TLK1: variants seen among roughly 807,000 people sequenced by gnomAD.
The protein encoded by TLK1 is tousled like kinase 1.
In TLK1, 24 loss-of-function variants were observed where a neutral mutation model predicts 105.3. That is an observed-to-expected ratio of 0.23 (90% CI 0.17 to 0.32). The LOEUF is 0.32. Ranked by LOEUF, TLK1 falls within the 10% of genes least tolerant of loss-of-function variation. TLK1 has a pLI of 1.00. For synonymous variants in TLK1, 321 were observed against 310.4 expected, an observed-to-expected ratio of 1.03 and a Z score of -0.36; for missense variants, 558 against 910.5, an observed-to-expected ratio of 0.61 and a Z score of 4.98.
chr2:171,029,809 C>G (rs555481511), intron 11 of TLK1, among the ~76,000 whole-genome samples: 1 of 152,084 alleles, frequency 6.6e-6, no homozygotes, highest in Non-Finnish European at 1.5e-5. Context: ...GCAGTGGCCA[C>G]GATCTCAGCT....
chr2:171,207,586 T>C (rs929836908), intron 1 of TLK1, among the ~76,000 whole-genome samples: 1 of 152,150 alleles, frequency 6.6e-6, no homozygotes, highest in Non-Finnish European at 1.5e-5. Context: ...GTGTGGGATG[T>C]TGACAGTAGG....
chr2:171,127,258 C>G (rs1324413170), intron 1 of TLK1, among the ~76,000 whole-genome samples: 1 of 136,940 alleles, frequency 7.3e-6, no homozygotes, highest in Non-Finnish European at 1.5e-5. Flanking sequence ...GCCTGGCCAA[C>G]AGAGTGAGAC....
chr2:171,159,905 C>T (rs1692391266), intron 1 of TLK1: 1 of 171,816 alleles, frequency 5.8e-6, no homozygotes, highest in Non-Finnish European at 1.2e-5. Flanking sequence ...GGAGGGAAAA[C>T]CCACCAGAGA....
At chr2:171,120,247 A>AG (rs1690598642) in intron 1 of TLK1, among the ~76,000 whole-genome samples, 2 of 109,686 alleles carry the variant, frequency 1.8e-5, no homozygotes, top group South Asian at 2.9e-4. Context: ...AGACTCCGTC[A>AG]GAAAAAAAAA....
chr2:171,030,539 C>A (rs1401944120), intron 11 of TLK1, among the ~76,000 whole-genome samples: 1 of 152,046 alleles, frequency 6.6e-6, no homozygotes, highest in Non-Finnish European at 1.5e-5. Context: ...TGTATAATAT[C>A]TCAACTAATC....
At chr2:171,136,289 T>C (rs369723343) in intron 1 of TLK1, among the ~76,000 whole-genome samples, 2 of 152,092 alleles carry the variant, frequency 1.3e-5, no homozygotes, top group African/African-American at 4.8e-5. Flanking sequence ...AGACAGAAAG[T>C]AGAATAGTGG....
intron 14 of TLK1, among the ~76,000 whole-genome samples, chr2:171,008,131 G>A (rs1391788453): frequency 6.6e-6 from 1 of 152,024 alleles, no homozygotes; most frequent in Non-Finnish European, 1.5e-5. Context: ...GACTACTTTG[G>A]TACAAAACTA....
intron 11 of TLK1, among the ~76,000 whole-genome samples, chr2:171,032,374 G>C (rs1311064392): frequency 1.3e-5 from 2 of 151,934 alleles, no homozygotes; most frequent in African/African-American, 4.8e-5. Flanking sequence ...AAAATCACTA[G>C]AACAATAAAT....
intron 1 of TLK1, among the ~76,000 whole-genome samples, chr2:171,183,009 GACAA>G (rs1438175949): frequency 5.3e-5 from 8 of 151,264 alleles, no homozygotes; most frequent in African/African-American, 2.0e-4. Context: ...AGGGTCTCAG[GACAA>G]ACAGTTTATG....
intron 11 of TLK1, among the ~76,000 whole-genome samples, chr2:171,031,478 C>T (rs1352079168): frequency 1.3e-5 from 2 of 152,140 alleles, no homozygotes; most frequent in Non-Finnish European, 2.9e-5. Context: ...AGTTAAATTA[C>T]TTAGCAAATC....
chr2:171,099,024 A>G (rs565911059), intron 2 of TLK1, among the ~76,000 whole-genome samples: 3 of 152,298 alleles, frequency 2.0e-5, no homozygotes, highest in African/African-American at 4.8e-5. Context: ...ATGACAATAT[A>G]TGTGCTCTCA....
intron 1 of TLK1, among the ~76,000 whole-genome samples, chr2:171,220,251 CTCCCAAAGATGTGTACTACA>C (rs765887419): frequency 4.6e-5 from 7 of 152,144 alleles, no homozygotes; most frequent in Non-Finnish European, 8.8e-5. Context: ...ATTCTTCAGC[CTCCCAAAGATGTGTACTACA>C]TCATCAATAT....
chr2:171,076,947 A>AAAAGAAG (rs1558927875), intron 3 of TLK1, among the ~76,000 whole-genome samples: 6 of 152,014 alleles, frequency 3.9e-5, no homozygotes, highest in African/African-American at 1.4e-4. Flanking sequence ...GAAAAAAGAA[A>AAAAGAAG]CACTGGTACT....
At chr2:171,164,195 A>G (rs898307778), upstream of TLK1, among the ~76,000 whole-genome samples, 2 of 152,206 alleles carry the variant, frequency 1.3e-5, no homozygotes, top group African/African-American at 4.8e-5. Flanking sequence ...TTGATAAGAC[A>G]GCACTCACCA....
At chr2:171,059,062 C>A (rs1347099759) in intron 4 of TLK1, among the ~76,000 whole-genome samples, 2 of 152,142 alleles carry the variant, frequency 1.3e-5, no homozygotes, top group African/African-American at 4.8e-5. Flanking sequence ...TAAATTCCTT[C>A]TTGGAACAAG....
chr2:171,021,390 T>C (rs1280141825), intron 12 of TLK1, among the ~76,000 whole-genome samples: 1 of 151,422 alleles, frequency 6.6e-6, no homozygotes, highest in Non-Finnish European at 1.5e-5. Context: ...TGTAGTGTAC[T>C]GCAGTCCTTC....
intron 2 of TLK1, among the ~76,000 whole-genome samples, chr2:171,101,065 A>G (rs1427260903): frequency 2.0e-5 from 3 of 152,170 alleles, no homozygotes; most frequent in Admixed American, 2.0e-4. Flanking sequence ...AGCCAGGCAC[A>G]GGCCAGGCGC....
intron 13 of TLK1, among the ~76,000 whole-genome samples, chr2:171,014,147 T>A (rs1685060103): frequency 6.6e-6 from 1 of 152,220 alleles, no homozygotes; most frequent in African/African-American, 2.4e-5. Flanking sequence ...AACTTTGGTA[T>A]TCAAATATTT....
chr2:171,144,236 G>A (rs1341669036), intron 1 of TLK1, among the ~76,000 whole-genome samples: 1 of 150,324 alleles, frequency 6.7e-6, no homozygotes, highest in Non-Finnish European at 1.5e-5. Flanking sequence ...ATAGTTGGAA[G>A]AATTAAATGG....
Sources: gnomAD v4.1 joint callset for allele counts (sites outside exome capture counted in the v4.1 genomes callset) on GRCh38, gnomAD v4.1.1 for gene constraint, MANE v1.5 for transcripts, NCBI Gene and HGNC (gene_info 2026-07-23, HGNC 2026-07-21) for gene names.